The following CNGA1 variants were observed in gnomAD, a reference collection of about 807,000 sequenced individuals.
CNGA1 encodes cyclic nucleotide-gated channel alpha-1.
CNGA1 carries 53 observed loss-of-function variants against 69.7 expected under a neutral mutation model. That is an observed-to-expected ratio of 0.76 (90% CI 0.61 to 0.96). The LOEUF (loss-of-function observed/expected upper bound fraction) is 0.96, where lower values mean the gene tolerates loss of function less well. Among genes scored for constraint, CNGA1 ranks in the 40% least tolerant of loss-of-function variants. The probability of loss-of-function intolerance (pLI) is 0.00; values close to 1 mark genes in which losing one functional copy is unlikely to be tolerated. For synonymous variants in CNGA1, 249 were observed against 283.5 expected (o/e 0.88, Z 1.22); for missense variants, 739 against 811.2 (o/e 0.91, Z 1.08).
chr4:47,979,159 A>G (rs1356943286), intron 3 of CNGA1, among the ~76,000 whole-genome samples: 2 of 151,998 alleles, frequency 1.3e-5, no homozygotes, highest in Admixed American at 6.6e-5. Context: ...CGTCTCCACA[A>G]AAAATACAAA....
At chr4:47,963,467 T>C (rs1371336680) in intron 3 of CNGA1, among the ~76,000 whole-genome samples, 3 of 152,232 alleles carry the variant, frequency 2.0e-5, no homozygotes, top group African/African-American at 7.2e-5. Context: ...TGTGGGAACT[T>C]CCTGCCTTAT....
chr4:47,992,221 T>G (rs1228044033), intron 2 of CNGA1, among the ~76,000 whole-genome samples: 2 of 152,148 alleles, frequency 1.3e-5, no homozygotes, highest in African/African-American at 2.4e-5. Context: ...GGTATTTTGA[T>G]GGGAATTGCA....
intron 2 of CNGA1, among the ~76,000 whole-genome samples, chr4:47,996,223 C>A (rs1578122111): frequency 6.6e-6 from 1 of 152,298 alleles, no homozygotes; most frequent in East Asian, 1.9e-4. Context: ...CCACCATGAT[C>A]CCTCCTCTTA....
intron 3 of CNGA1, among the ~76,000 whole-genome samples, chr4:47,974,715 T>TG (rs1228500222): frequency 1.3e-5 from 2 of 152,062 alleles, no homozygotes; most frequent in Admixed American, 1.3e-4. Context: ...CTAAGTTTTT[T>TG]TTTTTTTTTA....
In CNGA1 at chr4:48,009,662, T is replaced by C. The variant is rs140029084; in HGVS notation, c.-123+1132A>G. On this transcript the variant is annotated intron_variant, in intron 2 of 10. Coordinates refer to ENST00000514170, the MANE Select transcript of CNGA1 (RefSeq NM_001379270.1). ...CTACTAAAAATACAAAAATTAGCCA[T>C]GTGTGGTGGTGCTTGCCTGTAATGC... 6.1e-4 allele frequency among the ~76,000 whole-genome samples: 92 copies of C among 151,536 alleles called. 1 individual carries two copies. The East Asian group carries it at 0.017, about 28-fold the overall frequency.
rs2099742 is a variant in CNGA1, at chr4:48,004,870, G to A, written c.-123+5924C>T. ...CAGTGACTCCAAATTAGGATAAATG[G>A]GGGAGTGGGGGTGGGGGTAAAGAAG... is the stretch of plus-strand genomic sequence containing the variant. On this transcript the variant is annotated intron_variant, in intron 2 of 10. Coordinates refer to ENST00000514170, the MANE Select transcript of CNGA1 (RefSeq NM_001379270.1). 6.3e-3 allele frequency among the ~76,000 whole-genome samples: 963 copies of A among 152,030 alleles called. 8 individuals carry two copies. Among genetic ancestry groups the A allele is most frequent in the African/African-American group, 0.022 (909 of 41,420 alleles).
intron 3 of CNGA1, among the ~76,000 whole-genome samples, chr4:47,970,300 T>C (rs185273355): frequency 1.2e-4 from 18 of 152,202 alleles, no homozygotes; most frequent in Admixed American, 8.5e-4. Flanking sequence ...GGGAACAGCA[T>C]AGCTAGGGTA....
In CNGA1 at chr4:47,987,992, C is replaced by A. The variant is rs569857587; in HGVS notation, c.-122-6492G>T. 3.9e-4 allele frequency among the ~76,000 whole-genome samples: 59 copies of A among 152,232 alleles called. No individual in the cohort carries two copies. In the South Asian group the frequency reaches 0.011, roughly 29 times the overall value. On this transcript the variant is annotated intron_variant, in intron 2 of 10. Transcript: ENST00000514170. ...AGAGTTAAGGTCTTAGAAGATAGATCAGGTGGAGAACAGTCAGGAGGCAAC... is the reference window on the plus strand; with the variant it reads ...AGAGTTAAGGTCTTAGAAGATAGATAAGGTGGAGAACAGTCAGGAGGCAAC...
In CNGA1 at chr4:47,999,990, G is replaced by GA. The variant is rs199687982; in HGVS notation, c.-123+10803dup. Among the ~76,000 whole-genome samples the GA allele has an allele frequency of 9.0e-3, 1,370 of 151,796 alleles. 18 individuals carry two copies. The highest frequency in any genetic ancestry group is 0.03 in the African/African-American group (1,256 of 41,404). ...ATCAACAAACAAATTTAAAACACAG[G>GA]AAAAAATAACAGAACTTCTAGAAAT... is the stretch of plus-strand genomic sequence containing the variant. On this transcript the variant is annotated intron_variant, in intron 2 of 10. Transcript: ENST00000514170.
intron 9 of CNGA1, 77 bp downstream of exon 9, chr4:47,941,964 A>T: frequency 1.1e-6 from 1 of 892,860 alleles, no homozygotes; most frequent in Admixed American, 1.9e-5. Context: ...GCTCTAAGTC[A>T]AATTGTTTAG....
intron 3 of CNGA1, among the ~76,000 whole-genome samples, chr4:47,976,777 A>G (rs1741441084): frequency 6.6e-6 from 1 of 152,212 alleles, no homozygotes; most frequent in Admixed American, 6.5e-5. Flanking sequence ...CTTTGACAGC[A>G]GCATCGTGTA....
At chr4:47,995,555 A>ATT (rs60326082) in intron 2 of CNGA1, among the ~76,000 whole-genome samples, 13,660 of 150,116 alleles carry the variant, frequency 0.091, 812 homozygotes, top group East Asian at 0.26. Flanking sequence ...TTCTTGTATC[A>ATT]TTTTTTTTTA....
chr4:47,943,350 T>C, intron 7 of CNGA1, 21 bp downstream of exon 7: 1 of 1,539,140 alleles, frequency 6.5e-7, no homozygotes, highest in South Asian at 1.2e-5. Context: ...AAATGTGGGG[T>C]AATTCTTGCC....
chr4:48,002,110 T>C (rs1029439523), intron 2 of CNGA1, among the ~76,000 whole-genome samples: 9 of 151,984 alleles, frequency 5.9e-5, no homozygotes, highest in African/African-American at 2.2e-4. Flanking sequence ...AGGTTTAAAA[T>C]CAAAGTCTAA....
chr4:48,014,330 T>A (rs1215458225), intron 1 of CNGA1, among the ~76,000 whole-genome samples: 1 of 152,226 alleles, frequency 6.6e-6, no homozygotes, highest in Admixed American at 6.5e-5. Flanking sequence ...ATTATAAATT[T>A]CTGCTAGGCA....
rs555769752 is a variant in CNGA1, at chr4:47,953,096, C to T, written c.-14-393G>A. On this transcript the variant is annotated intron_variant, in intron 3 of 10. Coordinates refer to ENST00000514170, the MANE Select transcript of CNGA1 (RefSeq NM_001379270.1). ...CCATGACACATAGGGATTATGGGAG[C>T]CGCACTTTAAGATGAAGTTTGGGTG... 8.9e-4 allele frequency among the ~76,000 whole-genome samples: 135 copies of T among 152,282 alleles called. 2 individuals carry two copies. In the South Asian group the frequency reaches 0.022, roughly 25 times the overall value.
intron 3 of CNGA1, 31 bp from the exon 4 acceptor site, chr4:47,952,734 G>A: frequency 1.3e-6 from 2 of 1,503,966 alleles, no homozygotes; most frequent in Non-Finnish European, 1.8e-6. Context: ...TTAGTGGAAA[G>A]GCTATTTTTA....
At chr4:47,950,196 G>A (rs4694878) in intron 5 of CNGA1, among the ~76,000 whole-genome samples, 127,582 of 152,220 alleles carry the variant, frequency 0.84, 53,711 homozygotes, top group East Asian at 0.98. Context: ...CACATGCCAC[G>A]GGAGGGACCC....
chr4:47,994,586 A>G (rs1309263817), intron 2 of CNGA1, among the ~76,000 whole-genome samples: 1 of 152,096 alleles, frequency 6.6e-6, no homozygotes, highest in Non-Finnish European at 1.5e-5. Flanking sequence ...AGTCTCCTGA[A>G]GGCAACAGAC....
Sources: allele counts gnomAD v4.1 joint callset (sites outside exome capture counted in the v4.1 genomes callset), GRCh38; gene constraint gnomAD v4.1.1; transcripts MANE v1.5; gene names NCBI Gene and HGNC (gene_info 2026-07-23, HGNC 2026-07-21).